Variants in IQSEC2 observed in about 807,000 individuals in gnomAD.
IQSEC2 encodes the protein IQ motif and Sec7 domain ArfGEF 2.
IQSEC2 carries 6 observed loss-of-function variants against 74.6 expected under a neutral mutation model. The observed-to-expected ratio is 0.08, with a 90% confidence interval of 0.04 to 0.16. IQSEC2 has a LOEUF of 0.16. Among genes scored for constraint, IQSEC2 ranks in the 10% least tolerant of loss-of-function variants. The pLI is 1.00. For synonymous variants in IQSEC2, 494 were observed against 544.5 expected, an observed-to-expected ratio of 0.91 and a Z score of 1.29; for missense variants, 734 against 1,306.2, an observed-to-expected ratio of 0.56 and a Z score of 6.75.
intron 2 of IQSEC2, among the ~76,000 whole-genome samples, chrX:53,289,038 C>G (rs1556872417): frequency 1.8e-5 from 2 of 109,714 alleles, no homozygotes; most frequent in East Asian, 5.8e-4. Flanking sequence ...TAGAAGCCCT[C>G]AGGCCTGGGT....
intron 1 of IQSEC2, among the ~76,000 whole-genome samples, chrX:53,292,133 A>T (rs1205139937): frequency 8.9e-6 from 1 of 111,862 alleles, no homozygotes; most frequent in African/African-American, 3.2e-5. Flanking sequence ...ATGGAGAGGA[A>T]GACGGTGGTG....
chrX:53,295,280 T>C lies in IQSEC2; in HGVS notation c.708-3356A>G, dbSNP rs782771072. The stretch of plus-strand genomic sequence containing the variant: ...CTGAATCAAAAACAGGCATGTAATC[T>C]GACCAGAGATTTTAATGTTGCTTCT... On this transcript the variant is annotated intron_variant, in intron 1 of 14. Coordinates refer to ENST00000642864, the MANE Select transcript of IQSEC2 (RefSeq NM_001111125.3). Among the ~76,000 whole-genome samples the C allele has an allele frequency of 4.5e-5, 5 of 112,123 alleles. No homozygotes were observed. In the East Asian group the frequency reaches 1.4e-3, roughly 31 times the overall value.
intron 2 of IQSEC2, among the ~76,000 whole-genome samples, chrX:53,286,445 T>C (rs1602343536): frequency 8.9e-6 from 1 of 112,004 alleles, no homozygotes; most frequent in East Asian, 2.8e-4. Flanking sequence ...TTTCTCTCTC[T>C]CCTCTCATCC....
intron 12 of IQSEC2, chrX:53,237,761 G>C: frequency 4.5e-6 from 1 of 223,435 alleles, no homozygotes; most frequent in East Asian, 1.0e-4. Flanking sequence ...CTGTGAAGGA[G>C]ACTTCATTAC....
intron 1 of IQSEC2, among the ~76,000 whole-genome samples, chrX:53,298,786 G>A (rs1015085059): frequency 9.0e-6 from 1 of 111,318 alleles, no homozygotes; most frequent in Non-Finnish European, 1.9e-5. Context: ...CCTTTGTCTT[G>A]TTATTCTGCT....
At chrX:53,257,071 C>T (rs781939309) in intron 2 of IQSEC2, among the ~76,000 whole-genome samples, 32 of 111,714 alleles carry the variant, frequency 2.9e-4, no homozygotes, top group African/African-American at 7.8e-4. Flanking sequence ...GGAAGGAACA[C>T]GCAGGTGAGG....
chrX:53,256,765 C>T (rs1439650373), intron 2 of IQSEC2, among the ~76,000 whole-genome samples: 4 of 112,773 alleles, frequency 3.5e-5, no homozygotes, highest in African/African-American at 1.3e-4. Flanking sequence ...CGCCTCCCAT[C>T]CAGCATCCTC....
intron 4 of IQSEC2, among the ~76,000 whole-genome samples, chrX:53,252,250 G>A (rs1191461965): frequency 1.0e-4 from 11 of 109,176 alleles, no homozygotes; most frequent in African/African-American, 3.0e-4. Context: ...TAGTAGAGAC[G>A]GGGTTTCGCC....
chrX:53,243,835 G>C (rs1556861486), intron 8 of IQSEC2, among the ~76,000 whole-genome samples: 1 of 112,440 alleles, frequency 8.9e-6, no homozygotes, highest in East Asian at 2.8e-4. Context: ...AGGTAATTTG[G>C]CAAGAACCTA....
At chrX:53,280,159 C>T (rs1350964125) in intron 2 of IQSEC2, among the ~76,000 whole-genome samples, 1 of 88,782 alleles carries the variant, frequency 1.1e-5, no homozygotes, top group Non-Finnish European at 2.1e-5. Context: ...CCTCCTCACA[C>T]CAGACGCCAC....
chrX:53,310,395 G>T (rs1476583316), intron 1 of IQSEC2, among the ~76,000 whole-genome samples: 1 of 70,124 alleles, frequency 1.4e-5, no homozygotes, highest in Non-Finnish European at 3.5e-5. Flanking sequence ...AAACAAGCAA[G>T]CAAGCAAACA....
intron 12 of IQSEC2, chrX:53,237,667 G>A (rs1338553926): frequency 6.2e-6 from 1 of 160,363 alleles, no homozygotes; most frequent in Non-Finnish European, 1.2e-5. Context: ...AGGAGAGAGG[G>A]TGGGACAGGA....
In IQSEC2 at chrX:53,250,423, C is replaced by G. The variant is rs1569301770; in HGVS notation, c.2153G>C (p.Arg718Pro). Residue 718 changes from arginine (R) to proline (P), a missense_variant, in exon 5 of 15, where the codon CGG (arginine) becomes CCG (proline). Coordinates refer to ENST00000642864, the MANE Select transcript of IQSEC2 (RefSeq NM_001111125.3). ...AGCCGGAGGCTCCCTTAGACTGTCC[C>G]GAGAAGAGGAGCCGGAGCTGCAGTT... is the stretch of plus-strand genomic sequence containing the variant. Reference protein sequence around the residue: ...TINCSSGSSSRDSLREPPATG... With the variant: ...TINCSSGSSSPDSLREPPATG... 3.3e-6 allele frequency: 4 copies of G among 1,211,703 alleles called. No individual in the cohort carries two copies. Among genetic ancestry groups the G allele is most frequent in the Non-Finnish European group, 4.5e-6 (4 of 895,377 alleles).
intron 2 of IQSEC2, among the ~76,000 whole-genome samples, chrX:53,291,365 G>A (rs1223426462): frequency 1.8e-5 from 2 of 111,489 alleles, no homozygotes; most frequent in Non-Finnish European, 3.8e-5. Context: ...AAAATAAAAC[G>A]TACTGAAGCT....
At chrX:53,269,106 A>G (rs1424602820) in intron 2 of IQSEC2, among the ~76,000 whole-genome samples, 2 of 111,377 alleles carry the variant, frequency 1.8e-5, no homozygotes, top group African/African-American at 3.3e-5. Context: ...TCACATCTCT[A>G]TGTGTGTGCT....
Position 53,314,633 on chromosome X carries a change from G to C in IQSEC2, c.707+5784C>G, listed in dbSNP as rs185581004. ...GCAGAAGGCCTGAGTGGGCTAACCA[G>C]GGGGGCACACGGGTCAGCCTGGCTG... On this transcript the variant is annotated intron_variant, in intron 1 of 14. Transcript: ENST00000642864. Among the ~76,000 whole-genome samples the C allele has an allele frequency of 4.5e-5, 5 of 111,879 alleles. No individual in the cohort carries two copies. The East Asian group carries it at 1.4e-3, about 32-fold the overall frequency.
At chrX:53,269,584 C>T (rs929556434) in intron 2 of IQSEC2, among the ~76,000 whole-genome samples, 31 of 110,520 alleles carry the variant, frequency 2.8e-4, no homozygotes, top group Non-Finnish European at 1.1e-4. Context: ...TCTGCCCCCA[C>T]ATCCCCCTCT....
intron 4 of IQSEC2, among the ~76,000 whole-genome samples, chrX:53,252,360 CA>C (rs1189847832): frequency 8.0e-5 from 5 of 62,483 alleles, no homozygotes; most frequent in Non-Finnish European, 1.7e-4. Context: ...CACACCTGGC[CA>C]AAAAAAATTT....
chrX:53,252,805 G>A (rs782279741), intron 4 of IQSEC2, among the ~76,000 whole-genome samples: 2 of 111,841 alleles, frequency 1.8e-5, no homozygotes, highest in South Asian at 7.5e-4. Context: ...CAAATTTGGG[G>A]GTAATTTGTT....
Sources: allele counts gnomAD v4.1 joint callset (sites outside exome capture counted in the v4.1 genomes callset), GRCh38; gene constraint gnomAD v4.1.1; transcripts MANE v1.5; gene names NCBI Gene and HGNC (gene_info 2026-07-23, HGNC 2026-07-21).